NCR1: variants seen among roughly 807,000 people sequenced by gnomAD.
NCR1 encodes natural cytotoxicity triggering receptor 1.
Under a neutral mutation model 32.5 loss-of-function variants are expected in NCR1, and 30 were observed. That is an observed-to-expected ratio of 0.92 (90% CI 0.69 to 1.25). The LOEUF (loss-of-function observed/expected upper bound fraction) is 1.25, where lower values mean the gene tolerates loss of function less well. Ranked by LOEUF, NCR1 falls within the 50% of genes most tolerant of loss-of-function variation. The probability of loss-of-function intolerance (pLI) is 0.00; values close to 1 mark genes in which losing one functional copy is unlikely to be tolerated. For synonymous variants in NCR1, 169 were observed against 143.4 expected, an observed-to-expected ratio of 1.18 and a Z score of -1.28; for missense variants, 369 against 380.7, an observed-to-expected ratio of 0.97 and a Z score of 0.26.
chr19:54,928,109 A>T, the NCR1 span, among the ~76,000 whole-genome samples: 3 of 152,130 alleles, frequency 2.0e-5, no homozygotes, highest in Non-Finnish European at 4.4e-5. Flanking sequence ...AATGCTAGCT[A>T]CTTGGGAGGC....
At chr19:54,938,090 G>A in the NCR1 span, 2 of 1,614,132 alleles carry the variant, frequency 1.2e-6, no homozygotes, top group Non-Finnish European at 1.7e-6. Flanking sequence ...TGGTCACAAA[G>A]AATCCGCACA....
the NCR1 span, among the ~76,000 whole-genome samples, chr19:54,929,112 T>TA: frequency 2.0e-5 from 3 of 152,206 alleles, no homozygotes; most frequent in Non-Finnish European, 4.4e-5. Flanking sequence ...CTCATGCCTG[T>TA]AATCCCAGCA....
chr19:54,904,521 G>GTTTTC (rs1315407394), upstream of NCR1, among the ~76,000 whole-genome samples: 2,707 of 141,534 alleles, frequency 0.019, 45 homozygotes, highest in Middle Eastern at 0.046. Context: ...GTGGTATTTG[G>GTTTTC]TTTTCTTTTC....
chr19:54,922,942 A>G, the NCR1 span, among the ~76,000 whole-genome samples: 3 of 151,784 alleles, frequency 2.0e-5, no homozygotes, highest in African/African-American at 7.3e-5. Context: ...ACAGACACAG[A>G]GAAACAAAGA....
the NCR1 span, chr19:54,930,735 C>A: frequency 7.7e-7 from 1 of 1,292,804 alleles, no homozygotes; most frequent in Non-Finnish European, 1.1e-6. Context: ...CAGTTATTTC[C>A]AACACTATAT....
At chr19:54,899,033 T>C in the NCR1 span, among the ~76,000 whole-genome samples, 2 of 151,982 alleles carry the variant, frequency 1.3e-5, no homozygotes, top group Non-Finnish European at 2.9e-5. Context: ...TCAGCGATGC[T>C]TGGGGTTGGG....
the NCR1 span, among the ~76,000 whole-genome samples, chr19:54,923,138 G>A: frequency 6.6e-6 from 1 of 152,188 alleles, no homozygotes. Flanking sequence ...GCTGCCCATG[G>A]CCCACGAGCT....
At chr19:54,933,679 G>A in the NCR1 span, 2 of 1,614,168 alleles carry the variant, frequency 1.2e-6, no homozygotes, top group Non-Finnish European at 1.7e-6. Flanking sequence ...GCTTCTTGCT[G>A]ACAACCAAGA....
At chr19:54,901,789 G>A (rs768027794), upstream of NCR1, among the ~76,000 whole-genome samples, 5 of 152,234 alleles carry the variant, frequency 3.3e-5, no homozygotes, top group South Asian at 2.1e-4. Flanking sequence ...CCAACTTGAC[G>A]AAACCCCATC....
upstream of NCR1, chr19:54,906,054 T>G: frequency 9.3e-7 from 1 of 1,070,654 alleles, no homozygotes; most frequent in Non-Finnish European, 1.4e-6. Context: ...GTGAACGTTC[T>G]GATGAAAGCA....
At chr19:54,927,849 C>T in the NCR1 span, 546 of 1,379,004 alleles carry the variant, frequency 4.0e-4, no homozygotes, top group Non-Finnish European at 3.6e-4. Context: ...CCCAACACTT[C>T]GGGAGGCCAA....
the NCR1 span, chr19:54,933,477 A>G: frequency 6.6e-7 from 1 of 1,511,646 alleles, no homozygotes; most frequent in Middle Eastern, 1.7e-4. Context: ...CCAGGTTTTT[A>G]AAAGTTACAT....
At chr19:54,919,746 T>A (rs2068210630), downstream of NCR1, among the ~76,000 whole-genome samples, 1 of 126,116 alleles carries the variant, frequency 7.9e-6, no homozygotes, top group Admixed American at 9.3e-5. Flanking sequence ...CCTTTCCCGG[T>A]CTGCTAAGTA....
At chr19:54,926,208 GT>G in the NCR1 span, among the ~76,000 whole-genome samples, 1 of 130,142 alleles carries the variant, frequency 7.7e-6, no homozygotes, top group Admixed American at 8.3e-5. Context: ...GATTAGGGGT[GT>G]GTGTGTGTGT....
chr19:54,908,760 G>A (rs587652984), intron 3 of NCR1, among the ~76,000 whole-genome samples: 2 of 150,730 alleles, frequency 1.3e-5, no homozygotes, highest in Admixed American at 1.3e-4. Flanking sequence ...CTCCCAAGTA[G>A]TTGAGATTAC....
chr19:54,930,627 A>AT, the NCR1 span: 1 of 1,612,606 alleles, frequency 6.2e-7, no homozygotes, highest in South Asian at 1.1e-5. Context: ...CCTCTGAGAG[A>AT]TATCTACAGC....
upstream of NCR1, among the ~76,000 whole-genome samples, chr19:54,903,419 CATGT>C (rs1414318454): frequency 2.3e-5 from 3 of 128,614 alleles, no homozygotes; most frequent in Admixed American, 8.4e-5. Flanking sequence ...TACACGCATA[CATGT>C]ATGTATACAC....
upstream of NCR1, among the ~76,000 whole-genome samples, chr19:54,903,285 C>A (rs1239177894): frequency 7.1e-6 from 1 of 140,364 alleles, no homozygotes. Flanking sequence ...TATGTATATA[C>A]ATATATACAC....
rs2067845638 is a variant in NCR1, at chr19:54,909,524, G to A, written c.634+1G>A. 6.2e-7 allele frequency: 1 copy of A among 1,601,450 alleles called. No individual in the cohort carries two copies. Among genetic ancestry groups the A allele is most frequent in the African/African-American group, 1.3e-5 (1 of 74,878 alleles). On this transcript the variant is annotated splice_donor_variant, in intron 4 of 6. Transcript: ENST00000291890. LOFTEE classifies it high-confidence loss of function. ...GAGCCAGTGAAGCTCCTGGTCACAG[G>A]TGAGGAAATGCTCAATTCCCCACAC...
Sources: gnomAD v4.1 joint callset for allele counts (sites outside exome capture counted in the v4.1 genomes callset) on GRCh38, gnomAD v4.1.1 for gene constraint, MANE v1.5 for transcripts, NCBI Gene and HGNC (gene_info 2026-07-23, HGNC 2026-07-21) for gene names.